The following TNRC6B variants were observed in gnomAD, a reference collection of about 807,000 sequenced individuals.
The protein encoded by TNRC6B is trinucleotide repeat containing adaptor 6B.
A neutral mutation model predicts 203.6 loss-of-function variants in TNRC6B; 52 were observed. That is an observed-to-expected ratio of 0.26 (90% CI 0.20 to 0.32). The LOEUF (loss-of-function observed/expected upper bound fraction) is 0.32. Ranked by LOEUF, TNRC6B falls within the 10% of genes least tolerant of loss-of-function variation. The pLI is 1.00. For missense variants in TNRC6B, 1,923 were observed against 2,286.2 expected (o/e 0.84, Z 3.24); for synonymous variants, 838 against 845.7 (o/e 0.99, Z 0.16).
At position 40,326,896 on chromosome 22, in the gene TNRC6B, AT is replaced by A. The variant is rs947210915; in HGVS notation, c.*3659del. ...AGAAGAATCTAATAAGGAACAAGTGATTTTACTTTTTTAGCTCCCAGCTACT... is the reference window on the plus strand; with the variant it reads ...AGAAGAATCTAATAAGGAACAAGTGATTTACTTTTTTAGCTCCCAGCTACT... On this transcript the variant is annotated 3_prime_UTR_variant, in exon 23 of 23. Transcript: ENST00000454349. 8 of 152,554 alleles carry A rather than the reference AT, an allele frequency of 5.2e-5. No individual in the cohort carries two copies. Among genetic ancestry groups the A allele is most frequent in the Non-Finnish European group, 1.0e-4 (7 of 68,036 alleles). The allele number at this position is 152,554 out of a possible 1,614,324, so 9.5% of individuals were successfully genotyped here. A position where few individuals can be genotyped will look rare whatever the true frequency, so the allele number is the denominator to read the frequency against.
At chr22:40,308,914 A>G (rs1014811286) in intron 16 of TNRC6B, among the ~76,000 whole-genome samples, 2 of 152,274 alleles carry the variant, frequency 1.3e-5, no homozygotes, top group Admixed American at 6.5e-5. Flanking sequence ...TGAAACCCTA[A>G]TAAGTTGGCT....
chr22:40,082,890 A>G (rs922721858), intron 1 of TNRC6B, among the ~76,000 whole-genome samples: 7 of 152,076 alleles, frequency 4.6e-5, no homozygotes, highest in African/African-American at 1.7e-4. Context: ...TTTTGGGGGG[A>G]AGTCAAGAGT....
rs369772761 is a variant in TNRC6B, at chr22:40,091,135, C to G, written c.-120-25920C>G. 1.2e-4 allele frequency among the ~76,000 whole-genome samples: 18 copies of G among 152,190 alleles called. 2 individuals carry two copies. The highest frequency in any genetic ancestry group is 9.8e-4 in the Admixed American group (15 of 15,290). Reference sequence around the variant, plus strand: ...TAGCTGGGACTACAGGCGCCCGCCACCACACCCGCATAATTTTTTTTTTTA... The same window carrying G: ...TAGCTGGGACTACAGGCGCCCGCCAGCACACCCGCATAATTTTTTTTTTTA... On this transcript the variant is annotated intron_variant, in intron 1 of 23. Coordinates refer to the TNRC6B transcript ENST00000301923.
intron 1 of TNRC6B, among the ~76,000 whole-genome samples, chr22:40,075,616 A>C (rs548706775): frequency 1.2e-4 from 18 of 152,022 alleles, no homozygotes; most frequent in Admixed American, 9.8e-4. Context: ...ACTTACATTT[A>C]TGTCATTTTC....
chr22:40,302,976 G>T (rs777076142), intron 15 of TNRC6B, among the ~76,000 whole-genome samples: 2 of 151,994 alleles, frequency 1.3e-5, no homozygotes, highest in Non-Finnish European at 2.9e-5. Flanking sequence ...CAAACATGGC[G>T]GGGCCTCCCT....
intron 1 of TNRC6B, among the ~76,000 whole-genome samples, chr22:40,094,512 A>G (rs999906413): frequency 1.3e-5 from 2 of 152,196 alleles, no homozygotes; most frequent in African/African-American, 4.8e-5. Context: ...AGTTGATGAA[A>G]GTGTTGTGAA....
chr22:40,217,452 T>C (rs1485393522), intron 1 of TNRC6B, among the ~76,000 whole-genome samples: 1 of 152,158 alleles, frequency 6.6e-6, no homozygotes, highest in African/African-American at 2.4e-5. Flanking sequence ...CCCTGCTCAT[T>C]ATTTTGGTCA....
At chr22:40,233,295 C>G (rs186038145) in intron 1 of TNRC6B, among the ~76,000 whole-genome samples, 177 of 151,768 alleles carry the variant, frequency 1.2e-3, no homozygotes, top group African/African-American at 4.2e-3. Context: ...GCACTCCAGC[C>G]TGGGCGACAA....
chr22:40,074,673 G>A (rs2067989520), intron 1 of TNRC6B, among the ~76,000 whole-genome samples: 2 of 151,974 alleles, frequency 1.3e-5, no homozygotes, highest in Admixed American at 6.6e-5. Context: ...CAGCTACCTG[G>A]GAGGCTGAGG....
At chr22:40,220,347 T>A (rs980258510) in intron 1 of TNRC6B, among the ~76,000 whole-genome samples, 4 of 152,160 alleles carry the variant, frequency 2.6e-5, no homozygotes, top group African/African-American at 4.8e-5. Context: ...GCAGCAGGTA[T>A]ACTCAGGTGC....
At chr22:40,312,846 A>T in intron 18 of TNRC6B, 56 bp from the exon 19 acceptor site, 1 of 1,536,538 alleles carries the variant, frequency 6.5e-7, no homozygotes, top group Admixed American at 1.8e-5. Flanking sequence ...TCAAGGTTTC[A>T]CTGGTTATAC....
rs1257001624 is a variant in TNRC6B at position 40,333,736 on chromosome 22, C to G, written c.*10495C>G. 1.3e-5 allele frequency: 2 copies of G among 152,628 alleles called. No homozygotes were observed. Among genetic ancestry groups the G allele is most frequent in the Non-Finnish European group, 2.9e-5 (2 of 68,042 alleles). The allele number at this position is 152,628 out of a possible 1,614,324, so 9.5% of individuals were successfully genotyped here. On this transcript the variant is annotated 3_prime_UTR_variant, in exon 23 of 23. Coordinates refer to ENST00000454349, the MANE Select transcript of TNRC6B (RefSeq NM_001162501.2). The stretch of plus-strand genomic sequence containing the variant: ...AAGCCATGTGCATCCTCACCTCTTC[C>G]ATTACCCCCTCCATGAGCTCGAAGC...
chr22:40,135,877 G>A (rs1286918547), intron 3 of TNRC6B, among the ~76,000 whole-genome samples: 2 of 152,206 alleles, frequency 1.3e-5, no homozygotes, highest in African/African-American at 4.8e-5. Flanking sequence ...GATAACTGGT[G>A]TTGATGTAGA....
intron 4 of TNRC6B, among the ~76,000 whole-genome samples, chr22:40,165,728 G>A (rs1031073119): frequency 2.6e-5 from 4 of 152,114 alleles, no homozygotes; most frequent in Admixed American, 6.6e-5. Context: ...TTCACTTGGC[G>A]GCAGAAAGGA....
rs534636986 is a variant in TNRC6B at position 40,266,034 on chromosome 22, G to C, written c.1804G>C (p.Ala602Pro). The change falls in exon 5 of 23, where the codon GCT becomes CCT. Residue 602 changes from alanine (A) to proline (P), a missense_variant. Transcript: ENST00000454349. ...SYRPTHPDCQ[A>P]VLQTLLSRTD... is the part of the protein sequence containing the mutation. Reference sequence around the variant, plus strand: ...CAGGCCCACACATCCTGATTGTCAGGCTGTCTTGCAGACTCTTTTGAGCCG... The same window carrying C: ...CAGGCCCACACATCCTGATTGTCAGCCTGTCTTGCAGACTCTTTTGAGCCG... The C allele has an allele frequency of 6.2e-7, 1 of 1,613,676 alleles. No individual in the cohort carries two copies. The highest frequency in any genetic ancestry group is 8.5e-7 in the Non-Finnish European group (1 of 1,179,906).
chr22:40,173,018 G>C (rs1053817289), upstream of TNRC6B, among the ~76,000 whole-genome samples: 1 of 152,114 alleles, frequency 6.6e-6, no homozygotes, highest in Admixed American at 6.6e-5. Context: ...CTCTTTCTCA[G>C]CCCTAATGTT....
intron 2 of TNRC6B, among the ~76,000 whole-genome samples, chr22:40,117,794 CT>C (rs2068403751): frequency 6.6e-6 from 1 of 152,054 alleles, no homozygotes; most frequent in Non-Finnish European, 1.5e-5. Flanking sequence ...GGCAGAATTT[CT>C]TTTTCATCTG....
At chr22:40,219,809 T>A (rs2069683699) in intron 1 of TNRC6B, among the ~76,000 whole-genome samples, 1 of 152,168 alleles carries the variant, frequency 6.6e-6, no homozygotes, top group African/African-American at 2.4e-5. Flanking sequence ...CCCTGTCTGG[T>A]TTATTTTCTT....
At chr22:40,176,954 G>A (rs546209942), upstream of TNRC6B, among the ~76,000 whole-genome samples, 17 of 152,266 alleles carry the variant, frequency 1.1e-4, no homozygotes, top group African/African-American at 3.9e-4. Context: ...AATCTCCGCC[G>A]GCTACCAATG....
Sources: allele counts gnomAD v4.1 joint callset (sites outside exome capture counted in the v4.1 genomes callset), GRCh38; gene constraint gnomAD v4.1.1; transcripts MANE v1.5; gene names NCBI Gene and HGNC (gene_info 2026-07-23, HGNC 2026-07-21).